The following CYS1 variants were observed in gnomAD, a reference collection of about 807,000 sequenced individuals.
CYS1 encodes the protein cystin 1, also known as cystin-1.
CYS1 carries 5 observed loss-of-function variants against 9.6 expected under a neutral mutation model. The ratio of observed to expected loss-of-function variants is 0.52; its 90% CI spans 0.27 to 1.10. The LOEUF (loss-of-function observed/expected upper bound fraction) is 1.10, where lower values mean the gene tolerates loss of function less well. Among genes scored for constraint, CYS1 ranks in the 50% least tolerant of loss-of-function variants. CYS1 has a pLI of 0.11. For synonymous variants in CYS1, 88 were observed against 95.7 expected, an observed-to-expected ratio of 0.92 and a Z score of 0.47; for missense variants, 221 against 207.9, an observed-to-expected ratio of 1.06 and a Z score of -0.39.
intron 1 of CYS1, among the ~76,000 whole-genome samples, chr2:10,069,264 T>C (rs1021413316): frequency 1.1e-4 from 16 of 152,258 alleles, no homozygotes; most frequent in Admixed American, 5.9e-4. Flanking sequence ...AAATAAACTA[T>C]TAATCAGGTA....
chr2:10,077,450 A>C (rs368060293), intron 1 of CYS1, among the ~76,000 whole-genome samples: 1 of 152,256 alleles, frequency 6.6e-6, no homozygotes, highest in Non-Finnish European at 1.5e-5. Flanking sequence ...TTTATGAAGA[A>C]TATGTCTCTC....
At position 10,058,814 on chromosome 2, in the gene CYS1, G is replaced by C. The variant is rs1330852237; in HGVS notation, c.*39C>G. The C allele has an allele frequency of 1.3e-6, 2 of 1,512,548 alleles. No homozygotes were observed. The highest frequency in any genetic ancestry group is 1.8e-6 in the Non-Finnish European group (2 of 1,120,968). 93.7% of individuals were successfully genotyped at this position (1,512,548 alleles called of 1,614,324 possible). On this transcript the variant is annotated 3_prime_UTR_variant, in exon 3 of 3. Coordinates refer to ENST00000381813, the MANE Select transcript of CYS1 (RefSeq NM_001037160.3). The stretch of plus-strand genomic sequence containing the variant: ...CAAGCAGAGGGTGCCCCAGCCAGCA[G>C]GTGCCTCCGAGGCCTGGCGGGGGTG...
chr2:10,077,870 G>A (rs1180942839), intron 1 of CYS1, among the ~76,000 whole-genome samples: 3 of 152,054 alleles, frequency 2.0e-5, no homozygotes, highest in Admixed American at 6.6e-5. Context: ...AGCACTTTCG[G>A]AGACCAAGGT....
chr2:10,077,264 TTTC>T (rs1245083492), intron 1 of CYS1, among the ~76,000 whole-genome samples: 1 of 152,084 alleles, frequency 6.6e-6, no homozygotes, highest in Non-Finnish European at 1.5e-5. Flanking sequence ...TCACTCCCCC[TTTC>T]TTCACTCCAG....
At chr2:10,073,671 C>T (rs1246563876) in intron 1 of CYS1, among the ~76,000 whole-genome samples, 1 of 152,226 alleles carries the variant, frequency 6.6e-6, no homozygotes, top group Non-Finnish European at 1.5e-5. Flanking sequence ...GCACAAACCA[C>T]TGCTCTGACC....
Position 10,063,245 on chromosome 2 carries a change from G to A in CYS1, c.371+2659C>T, listed in dbSNP as rs1403923186. ...TGTGATGAGGCCTGGAGAGAAGAGA[G>A]GGGACAGGGCAGGACCACATCACGT... On this transcript the variant is annotated intron_variant, in intron 2 of 2. Coordinates refer to ENST00000381813, the MANE Select transcript of CYS1 (RefSeq NM_001037160.3). This position sits in a 1 kb window ranked among gnomAD's most constrained non-coding sequence, Gnocchi z 4.2. Among the ~76,000 whole-genome samples the A allele has an allele frequency of 2.6e-5, 4 of 152,208 alleles. No individual in the cohort carries two copies. The highest frequency in any genetic ancestry group is 5.9e-5 in the Non-Finnish European group (4 of 68,044).
chr2:10,073,012 G>A (rs910971371), intron 1 of CYS1, among the ~76,000 whole-genome samples: 1 of 150,544 alleles, frequency 6.6e-6, no homozygotes, highest in Non-Finnish European at 1.5e-5. Context: ...AGATGTGTGG[G>A]AGCAGAGCAG....
At chr2:10,074,698 C>T (rs1661818706) in intron 1 of CYS1, among the ~76,000 whole-genome samples, 1 of 152,256 alleles carries the variant, frequency 6.6e-6, no homozygotes, top group East Asian at 1.9e-4. Flanking sequence ...TCCCCACTGC[C>T]TACAGGACAG....
chr2:10,057,172 G>T lies in CYS1; in HGVS notation c.*1681C>A, dbSNP rs1191564372. ...AATTCAAAGCCTGATCCATCTGGTG[G>T]TAAGAAATGTTAACTTATTTTAAAA... On this transcript the variant is annotated 3_prime_UTR_variant, in exon 3 of 3. Coordinates refer to ENST00000381813, the MANE Select transcript of CYS1 (RefSeq NM_001037160.3). 1 of 152,246 alleles carries T rather than the reference G, an allele frequency of 6.6e-6. No individual in the cohort carries two copies. The highest frequency in any genetic ancestry group is 1.5e-5 in the Non-Finnish European group (1 of 68,042). The allele number at this position is 152,246 out of a possible 1,614,324, so 9.4% of individuals were successfully genotyped here.
intron 2 of CYS1, among the ~76,000 whole-genome samples, chr2:10,064,730 T>A (rs900395436): frequency 1.3e-5 from 2 of 151,776 alleles, no homozygotes; most frequent in African/African-American, 4.8e-5. Context: ...TTATTTATTT[T>A]TTTCTGAGAC....
intron 1 of CYS1, among the ~76,000 whole-genome samples, chr2:10,074,955 T>C (rs1661822161): frequency 6.6e-6 from 1 of 152,100 alleles, no homozygotes; most frequent in Admixed American, 6.6e-5. Flanking sequence ...CTACTAAAAA[T>C]ACAAAAATTA....
intron 1 of CYS1, among the ~76,000 whole-genome samples, chr2:10,069,444 C>T (rs1226675416): frequency 6.6e-6 from 1 of 152,186 alleles, no homozygotes; most frequent in African/African-American, 2.4e-5. Context: ...TCTTGGCTGA[C>T]TGCAACCTCA....
At chr2:10,070,076 C>G (rs2125290123) in intron 1 of CYS1, among the ~76,000 whole-genome samples, 1 of 152,338 alleles carries the variant, frequency 6.6e-6, no homozygotes, top group Non-Finnish European at 1.5e-5. Context: ...CAAGGCCAAA[C>G]ACACACCCTG....
Position 10,061,635 on chromosome 2 carries a change from T to A in CYS1, c.372-2677A>T, listed in dbSNP as rs550603700. Reference sequence around the variant, plus strand: ...CACCCGACATGCCCTGTAGGTGGAATCTTGGGGAGAAAGGAGAGCAGGGAC... The same window carrying A: ...CACCCGACATGCCCTGTAGGTGGAAACTTGGGGAGAAAGGAGAGCAGGGAC... On this transcript the variant is annotated intron_variant, in intron 2 of 2. Coordinates refer to ENST00000381813, the MANE Select transcript of CYS1 (RefSeq NM_001037160.3). 2.6e-5 allele frequency among the ~76,000 whole-genome samples: 4 copies of A among 152,302 alleles called. 1 individual carries two copies. The highest frequency in any genetic ancestry group is 9.6e-5 in the African/African-American group (4 of 41,566).
intron 1 of CYS1, among the ~76,000 whole-genome samples, chr2:10,071,401 G>A (rs1454809935): frequency 6.6e-6 from 1 of 152,204 alleles, no homozygotes; most frequent in African/African-American, 2.4e-5. Flanking sequence ...AATGCCTGGC[G>A]TAGGGACCTG....
intron 1 of CYS1, among the ~76,000 whole-genome samples, chr2:10,075,788 T>C (rs1002182816): frequency 6.6e-6 from 1 of 152,218 alleles, no homozygotes; most frequent in African/African-American, 2.4e-5. Context: ...GAGACTCTCT[T>C]GCAAAACAGA....
chr2:10,075,181 C>T (rs934445805), intron 1 of CYS1, among the ~76,000 whole-genome samples: 2 of 152,150 alleles, frequency 1.3e-5, no homozygotes, highest in East Asian at 3.9e-4. Flanking sequence ...TTATGGAAAG[C>T]TCCACCCTTT....
intron 1 of CYS1, 26 bp downstream of exon 1, chr2:10,079,880 C>T (rs1467819493): frequency 3.0e-5 from 33 of 1,098,676 alleles, no homozygotes; most frequent in Non-Finnish European, 3.7e-5. Context: ...CGCCGTCCCC[C>T]GAGGCCCTGC....
At chr2:10,061,253 CA>C (rs1329303126) in intron 2 of CYS1, among the ~76,000 whole-genome samples, 4 of 151,646 alleles carry the variant, frequency 2.6e-5, no homozygotes, top group Non-Finnish European at 2.9e-5. Flanking sequence ...ACCAACCAAC[CA>C]AACAAACAAA....
Sources: allele counts gnomAD v4.1 joint callset (sites outside exome capture counted in the v4.1 genomes callset), GRCh38; gene constraint gnomAD v4.1.1; non-coding constraint Gnocchi (gnomAD v3.1); transcripts MANE v1.5; gene names NCBI Gene and HGNC (gene_info 2026-07-23, HGNC 2026-07-21).